COL6A5: variants seen among roughly 807,000 people sequenced by gnomAD.
The protein encoded by COL6A5 is collagen alpha-5(VI) chain.
Under a neutral mutation model 65.6 loss-of-function variants are expected in COL6A5, and 48 were observed. That is an observed-to-expected ratio of 0.73 (90% confidence interval 0.58 to 0.93). The LOEUF is 0.93. COL6A5 is among the 40% of genes least tolerant of loss of function. COL6A5 has a pLI of 0.00. For missense variants in COL6A5, 914 were observed against 928.3 expected, an observed-to-expected ratio of 0.98 and a Z score of 0.20; for synonymous variants, 291 against 322.8, an observed-to-expected ratio of 0.90 and a Z score of 1.05.
At chr3:130,431,824 T>A in exon 1 of COL6A5, 1 of 1,551,516 alleles carries the variant, frequency 6.4e-7, no homozygotes, top group South Asian at 1.2e-5. Context: ...AGTTGCTGTG[T>A]TTTTTAGCAA....
intron 20 of COL6A5, among the ~76,000 whole-genome samples, chr3:130,411,294 G>A (rs1937168894): frequency 6.6e-6 from 1 of 152,174 alleles, no homozygotes; most frequent in South Asian, 2.1e-4. Flanking sequence ...GCTCAGCATG[G>A]ACATCATTAG....
At chr3:130,448,851 C>T (rs1430556801) in intron 4 of COL6A5, among the ~76,000 whole-genome samples, 1 of 152,162 alleles carries the variant, frequency 6.6e-6, no homozygotes, top group East Asian at 1.9e-4. Context: ...AAATTTTTCA[C>T]ATTCTGATTT....
At chr3:130,469,116 A>G (rs762294574) in exon 6 of COL6A5, 1 of 1,613,132 alleles carries the variant, frequency 6.2e-7, no homozygotes, top group Non-Finnish European at 8.5e-7. Context: ...CACCAAATGA[A>G]ACATCATCTC....
intron 7 of COL6A5, among the ~76,000 whole-genome samples, chr3:130,479,037 A>G (rs765258472): frequency 3.3e-5 from 5 of 152,024 alleles, no homozygotes; most frequent in Non-Finnish European, 5.9e-5. Flanking sequence ...GAATAATGCT[A>G]TGGCCTGAAT....
chr3:130,468,812 A>G (rs768450283), exon 6 of COL6A5: 4 of 1,607,982 alleles, frequency 2.5e-6, no homozygotes, highest in Admixed American at 1.7e-5. Flanking sequence ...AAATTATGGC[A>G]GAAAAGAAGA....
intron 3 of COL6A5, 36 bp downstream of exon 35, chr3:130,440,861 T>C: frequency 6.7e-7 from 1 of 1,485,796 alleles, no homozygotes; most frequent in Non-Finnish European, 9.3e-7. Context: ...TTTTTTTTAA[T>C]AAGCTAGTGT....
intron 20 of COL6A5, 122 bp from the exon 21 acceptor site, chr3:130,413,423 G>C (rs1937238709): frequency 1.1e-6 from 1 of 901,368 alleles, no homozygotes; most frequent in South Asian, 1.5e-5. Context: ...ATGCCTCAGG[G>C]AAACTGTTTC....
chr3:130,410,041 A>G, exon 19 of COL6A5: 2 of 1,550,152 alleles, frequency 1.3e-6, no homozygotes, highest in African/African-American at 2.7e-5. Flanking sequence ...ACATCAAAGG[A>G]CAAAAGGGCT....
Position 130,443,621 on chromosome 3 carries a change from A to G in COL6A5, c.1332+55A>G, listed in dbSNP as rs181808915. 261 of 1,110,652 alleles carry G rather than the reference A, an allele frequency of 2.3e-4. 1 individual carries two copies. In the African/African-American group the frequency reaches 3.7e-3, roughly 16 times the overall value. The allele number at this position is 1,110,652 out of a possible 1,614,324, so 68.8% of individuals were successfully genotyped here. ...TGACTGCTAATTGGCTGATGGGAGT[A>G]TAACTGGTTAATAACACTTTATTAG... is the stretch of plus-strand genomic sequence containing the variant. On this transcript the variant is annotated intron_variant, in intron 4 of 7. Coordinates refer to ENST00000512836, the Ensembl canonical transcript of COL6A5.
intron 4 of COL6A5, among the ~76,000 whole-genome samples, chr3:130,381,657 C>T (rs1000060714): frequency 6.6e-6 from 1 of 151,990 alleles, no homozygotes; most frequent in Non-Finnish European, 1.5e-5. Flanking sequence ...TCTGAGATAT[C>T]TGCTGTCCTC....
chr3:130,397,606 GGGTTTGACATCTCCACTCATGT>G, exon 9 of COL6A5: 1 of 1,550,694 alleles, frequency 6.4e-7, no homozygotes, highest in South Asian at 1.2e-5. Context: ...CATAGTGGTT[GGGTTTGACATCTCCACTCATGT>G]GCAGGGGCAG....
At chr3:130,441,767 T>C (rs1056640152) in intron 3 of COL6A5, among the ~76,000 whole-genome samples, 2 of 152,270 alleles carry the variant, frequency 1.3e-5, no homozygotes, top group South Asian at 4.2e-4. Flanking sequence ...CTAAACATCC[T>C]ACAATTCACA....
At chr3:130,441,505 T>G (rs1371083046) in intron 3 of COL6A5, among the ~76,000 whole-genome samples, 1 of 152,202 alleles carries the variant, frequency 6.6e-6, no homozygotes, top group African/African-American at 2.4e-5. Context: ...TGACATTGAT[T>G]GCTGCAGCGT....
intron 5 of COL6A5, among the ~76,000 whole-genome samples, chr3:130,461,496 C>G (rs2107606444): frequency 6.6e-6 from 1 of 152,104 alleles, no homozygotes; most frequent in East Asian, 1.9e-4. Context: ...GACACTGATG[C>G]AAAGGTTAAG....
At chr3:130,431,589 G>A (rs1937811186) in exon 1 of COL6A5, 1 of 1,551,476 alleles carries the variant, frequency 6.4e-7, no homozygotes, top group Non-Finnish European at 8.7e-7. Context: ...TTAACATCAG[G>A]GAAAATAACT....
intron 7 of COL6A5, among the ~76,000 whole-genome samples, chr3:130,475,475 G>A (rs73868687): frequency 6.6e-6 from 1 of 152,034 alleles, no homozygotes; most frequent in Non-Finnish European, 1.5e-5. Context: ...TCTCTTTAAT[G>A]TGCTGAAAGA....
At chr3:130,431,147 A>G, upstream of COL6A5, 2 of 630,186 alleles carry the variant, frequency 3.2e-6, no homozygotes, top group Admixed American at 4.6e-5. Context: ...TGTAACCACT[A>G]TCCCAGTCAG....
At chr3:130,371,673 A>T (rs1935566466) in intron 1 of COL6A5, among the ~76,000 whole-genome samples, 1 of 152,200 alleles carries the variant, frequency 6.6e-6, no homozygotes, top group South Asian at 2.1e-4. Context: ...TACACAAAAC[A>T]ACTTAAAATG....
intron 17 of COL6A5, among the ~76,000 whole-genome samples, chr3:130,407,127 G>A (rs1937020807): frequency 6.6e-6 from 1 of 152,210 alleles, no homozygotes; most frequent in African/African-American, 2.4e-5. Flanking sequence ...CTGAGCTGAA[G>A]AGGAACAGGA....
Sources: gnomAD v4.1 joint callset for allele counts (sites outside exome capture counted in the v4.1 genomes callset) on GRCh38, gnomAD v4.1.1 for gene constraint, MANE v1.5 for transcripts, NCBI Gene and HGNC (gene_info 2026-07-23, HGNC 2026-07-21) for gene names.